DCDC2C: variants seen among roughly 807,000 people sequenced by gnomAD.
DCDC2C encodes the protein doublecortin domain-containing protein 2C.
Under a neutral mutation model 45.0 loss-of-function variants are expected in DCDC2C, and 44 were observed. The observed-to-expected ratio is 0.98, with a 90% CI of 0.77 to 1.26. DCDC2C has a LOEUF of 1.26. Among genes scored for constraint, DCDC2C ranks in the 50% most tolerant of loss-of-function variants. The probability of loss-of-function intolerance (pLI) is 0.00; values close to 1 mark genes in which losing one functional copy is unlikely to be tolerated. For missense variants in DCDC2C, 447 were observed against 468.9 expected, an observed-to-expected ratio of 0.95 and a Z score of 0.43; for synonymous variants, 187 against 178.8, an observed-to-expected ratio of 1.05 and a Z score of -0.37.
intron 10 of DCDC2C, among the ~76,000 whole-genome samples, chr2:3,817,023 T>C (rs1232969868): frequency 6.6e-6 from 1 of 152,192 alleles, no homozygotes; most frequent in African/African-American, 2.4e-5. Flanking sequence ...GGAGATATTT[T>C]CCTTGGTCCA....
chr2:3,737,109 G>A (rs1669053158), intron 3 of DCDC2C, among the ~76,000 whole-genome samples: 1 of 152,156 alleles, frequency 6.6e-6, no homozygotes, highest in Admixed American at 6.5e-5. Context: ...AATTGACTGA[G>A]TACCCCCAGG....
At chr2:3,714,315 T>G (rs1215791082) in intron 2 of DCDC2C, among the ~76,000 whole-genome samples, 1 of 152,264 alleles carries the variant, frequency 6.6e-6, no homozygotes, top group African/African-American at 2.4e-5. Context: ...ACAAATGCTC[T>G]TGGGGTCTTG....
At chr2:3,806,795 C>G (rs1285122025) in intron 10 of DCDC2C, among the ~76,000 whole-genome samples, 1 of 152,106 alleles carries the variant, frequency 6.6e-6, no homozygotes, top group Admixed American at 6.5e-5. Flanking sequence ...GATCCGCCCA[C>G]CTTGGCCCTG....
chr2:3,703,854 C>A lies in DCDC2C; in HGVS notation c.103C>A (p.Leu35Met). Residue 35 changes from leucine (L) to methionine (M), a missense_variant, in exon 1 of 11, where the codon CTG becomes ATG. Coordinates refer to ENST00000399143, the MANE Select transcript of DCDC2C (RefSeq NM_001287444.2). The surrounding 1 kb of genome is among the most constrained non-coding windows in gnomAD (Gnocchi z 4.4). ...GTTCTACGTGGGCAAGAAGTTCGTGCTGTCGCGGCGCCGCGCGGCCACCTT... is the reference window on the plus strand; with the variant it reads ...GTTCTACGTGGGCAAGAAGTTCGTGATGTCGCGGCGCCGCGCGGCCACCTT... ...DPFYVGKKFVLSRRRAATFEA... is the reference protein window; with the variant it reads ...DPFYVGKKFVMSRRRAATFEA... The A allele has an allele frequency of 7.8e-7, 1 of 1,285,140 alleles. No homozygotes were observed. Among genetic ancestry groups the A allele is most frequent in the Non-Finnish European group, 9.9e-7 (1 of 1,011,616 alleles). 79.6% of individuals were successfully genotyped at this position (1,285,140 alleles called of 1,614,324 possible).
intron 6 of DCDC2C, among the ~76,000 whole-genome samples, chr2:3,757,406 C>A (rs530337668): frequency 6.6e-6 from 1 of 152,268 alleles, no homozygotes; most frequent in East Asian, 1.9e-4. Flanking sequence ...ATCAGCCAAT[C>A]AAAGTATCAG....
chr2:3,704,205 C>A, intron 1 of DCDC2C, 167 bp downstream of exon 1: 2 of 606,450 alleles, frequency 3.3e-6, no homozygotes, highest in South Asian at 9.0e-5. Context: ...CCGCCCCAGG[C>A]CACGTGGTTT....
At chr2:3,836,177 T>A (rs1267787400) in intron 10 of DCDC2C, among the ~76,000 whole-genome samples, 2 of 152,172 alleles carry the variant, frequency 1.3e-5, no homozygotes, top group East Asian at 3.8e-4. Context: ...ATATAACTCT[T>A]GGTATGATGC....
chr2:3,768,854 G>A lies in DCDC2C; in HGVS notation c.854-457G>A, dbSNP rs140870143. Among the ~76,000 whole-genome samples, 803 of 152,320 alleles carry A rather than the reference G, an allele frequency of 5.3e-3. 4 individuals carry two copies. Among genetic ancestry groups the A allele is most frequent in the Non-Finnish European group, 8.2e-3 (556 of 68,034 alleles). ...CTCCCAAAGTGTTGGGATTACAGGC[G>A]TGAGCCACTGCACCTGGCTGAAGCT... On this transcript the variant is annotated intron_variant, in intron 7 of 10. Coordinates refer to ENST00000399143, the MANE Select transcript of DCDC2C (RefSeq NM_001287444.2).
At chr2:3,719,870 G>T (rs967233958) in intron 2 of DCDC2C, among the ~76,000 whole-genome samples, 4 of 152,214 alleles carry the variant, frequency 2.6e-5, no homozygotes, top group Admixed American at 6.5e-5. Flanking sequence ...CAGAGGCGAG[G>T]CTCCAGAGAA....
In DCDC2C at chr2:3,742,057, ACT is replaced by A; in HGVS notation, c.545+13_545+14del. 3 of 1,521,528 alleles carry A rather than the reference ACT, an allele frequency of 2.0e-6. No individual in the cohort carries two copies. Among genetic ancestry groups the A allele is most frequent in the South Asian group, 2.6e-5 (2 of 77,262 alleles). The allele number at this position is 1,521,528 out of a possible 1,614,324, so 94.3% of individuals were successfully genotyped here. Reference sequence around the variant, plus strand: ...CTAGGAGGCGTTCGGAAGTAAGGAGACTCTCGCCTTTAGGACAGCCAGGGGGC... The same window carrying A: ...CTAGGAGGCGTTCGGAAGTAAGGAGACTCGCCTTTAGGACAGCCAGGGGGC... On this transcript the variant is annotated intron_variant, in intron 4 of 10. Transcript: ENST00000399143.
intron 6 of DCDC2C, among the ~76,000 whole-genome samples, chr2:3,757,235 G>A (rs1265707621): frequency 6.6e-6 from 1 of 151,948 alleles, no homozygotes; most frequent in Non-Finnish European, 1.5e-5. Context: ...TTTCTAACTT[G>A]TTAAACCTTT....
rs537242583 is a variant in DCDC2C, at chr2:3,733,814, G to A, written c.416+6735G>A. On this transcript the variant is annotated intron_variant, in intron 3 of 10. Coordinates refer to ENST00000399143, the MANE Select transcript of DCDC2C (RefSeq NM_001287444.2). ...GGGATTTGGTTTCAACATGAACTGG[G>A]GGGTGAGGGGACACGATTCAGACTG... Among the ~76,000 whole-genome samples, 11 of 152,246 alleles carry A rather than the reference G, an allele frequency of 7.2e-5. No homozygotes were observed. In the South Asian group the frequency reaches 2.1e-3, roughly 29 times the overall value.
At chr2:3,776,259 A>C (rs1670332086) in intron 8 of DCDC2C, among the ~76,000 whole-genome samples, 1 of 152,170 alleles carries the variant, frequency 6.6e-6, no homozygotes, top group South Asian at 2.1e-4. Context: ...ATGAGTAAAA[A>C]CAACTCTTTC....
rs540279543 is a variant in DCDC2C, at chr2:3,730,985, C to T, written c.416+3906C>T. Among the ~76,000 whole-genome samples the T allele has an allele frequency of 1.4e-4, 22 of 152,276 alleles. No homozygotes were observed. The South Asian group carries it at 3.5e-3, about 24-fold the overall frequency. On this transcript the variant is annotated intron_variant, in intron 3 of 10. Coordinates refer to ENST00000399143, the MANE Select transcript of DCDC2C (RefSeq NM_001287444.2). ...GTGGCACTGAGGACTGACTCGTGCA[C>T]GAACACCTCCCTGGTTTCCAGTCAG...
chr2:3,843,748 G>A (rs987390108), intron 10 of DCDC2C, among the ~76,000 whole-genome samples: 1 of 152,126 alleles, frequency 6.6e-6, no homozygotes, highest in African/African-American at 2.4e-5. Flanking sequence ...AACTCAGAAA[G>A]AGCAAGAATC....
chr2:3,708,474 C>A (rs765766280), intron 1 of DCDC2C, 75 bp from the exon 2 acceptor site: 1 of 1,185,460 alleles, frequency 8.4e-7, no homozygotes, highest in East Asian at 2.6e-5. Flanking sequence ...GAAAAGGACT[C>A]GTTTCTAAGG....
chr2:3,707,739 C>A (rs1668104808), intron 1 of DCDC2C, among the ~76,000 whole-genome samples: 2 of 152,210 alleles, frequency 1.3e-5, no homozygotes, highest in African/African-American at 4.8e-5. Flanking sequence ...CTGAGACCAC[C>A]CTTGGCGAGT....
chr2:3,744,807 G>A (rs908617451), intron 4 of DCDC2C, among the ~76,000 whole-genome samples: 18 of 152,288 alleles, frequency 1.2e-4, no homozygotes, highest in African/African-American at 3.8e-4. Context: ...TGGCAGTGGC[G>A]ACGAGCAGGT....
chr2:3,732,475 C>T (rs918442796), intron 3 of DCDC2C, among the ~76,000 whole-genome samples: 1 of 152,006 alleles, frequency 6.6e-6, no homozygotes, highest in Non-Finnish European at 1.5e-5. Flanking sequence ...AAAGGTTGAA[C>T]ACCTTGTAAT....
Sources: allele counts gnomAD v4.1 joint callset (sites outside exome capture counted in the v4.1 genomes callset), GRCh38; gene constraint gnomAD v4.1.1; non-coding constraint Gnocchi (gnomAD v3.1); transcripts MANE v1.5; gene names NCBI Gene and HGNC (gene_info 2026-07-23, HGNC 2026-07-21).